RFC3: variants seen among roughly 807,000 people sequenced by gnomAD.
RFC3 encodes replication factor C subunit 3, also known as A1 38 kDa subunit.
In RFC3, 41 loss-of-function variants were observed where a neutral mutation model predicts 45.1. The observed-to-expected ratio is 0.91, with a 90% CI of 0.71 to 1.18. The LOEUF is 1.18. RFC3 is among the 50% of genes most tolerant of loss of function. The probability of loss-of-function intolerance (pLI) is 0.00; values close to 1 mark genes in which losing one functional copy is unlikely to be tolerated. For missense variants in RFC3, 423 were observed against 428.1 expected, an observed-to-expected ratio of 0.99 and a Z score of 0.10; for synonymous variants, 149 against 144.0, an observed-to-expected ratio of 1.03 and a Z score of -0.25.
chr13:33,948,218 C>T (rs746282546), intron 8 of RFC3, among the ~76,000 whole-genome samples: 1 of 152,210 alleles, frequency 6.6e-6, no homozygotes, highest in East Asian at 1.9e-4. Context: ...TGCTTCAGCT[C>T]TAGCTGTGGC....
chr13:33,947,708 A>T (rs931609901), intron 8 of RFC3, among the ~76,000 whole-genome samples: 4 of 152,194 alleles, frequency 2.6e-5, no homozygotes, highest in African/African-American at 9.7e-5. Context: ...GCTGATAGTG[A>T]TATGGACAAT....
At chr13:33,824,805 A>C (rs991870370) in intron 3 of RFC3, among the ~76,000 whole-genome samples, 7 of 152,128 alleles carry the variant, frequency 4.6e-5, no homozygotes, top group African/African-American at 1.7e-4. Flanking sequence ...CCTAACAGAT[A>C]GGTTTTATTA....
chr13:33,829,921 C>T lies in RFC3; in HGVS notation c.477C>T (p.Cys159=), dbSNP rs1408805088. The change falls in exon 5 of 9, where the codon TGC becomes TGT. Residue 159 remains cysteine (C), a synonymous_variant. Transcript: ENST00000380071. The stretch of plus-strand genomic sequence containing the variant: ...CCATGGAAAAATATATGTCTACCTG[C>T]AGATTGATCTTGTGCTGCAATTCTA... The part of the protein sequence containing the change: ...RRTMEKYMST[C]RLILCCNSTS... 2.5e-6 allele frequency: 4 copies of T among 1,613,988 alleles called. No homozygotes were observed. The highest frequency in any genetic ancestry group is 3.4e-6 in the Non-Finnish European group (4 of 1,179,854).
intron 8 of RFC3, among the ~76,000 whole-genome samples, chr13:33,917,968 C>G (rs1240990205): frequency 6.6e-6 from 1 of 152,082 alleles, no homozygotes; most frequent in Non-Finnish European, 1.5e-5. Flanking sequence ...TTATCCACTT[C>G]ATTTTCAGAG....
intron 8 of RFC3, among the ~76,000 whole-genome samples, chr13:33,888,351 G>A (rs1298933093): frequency 2.0e-5 from 3 of 152,312 alleles, no homozygotes; most frequent in Admixed American, 6.5e-5. Flanking sequence ...CTCACATGGT[G>A]CCTCTTCTGG....
At chr13:33,950,680 C>A (rs1034317350) in intron 8 of RFC3, among the ~76,000 whole-genome samples, 1 of 152,152 alleles carries the variant, frequency 6.6e-6, no homozygotes, top group African/African-American at 2.4e-5. Context: ...CTGATAACAT[C>A]TTTTTCTGTC....
At chr13:33,906,708 G>A (rs956100493) in intron 8 of RFC3, among the ~76,000 whole-genome samples, 4 of 151,998 alleles carry the variant, frequency 2.6e-5, no homozygotes, top group Admixed American at 6.6e-5. Context: ...TATTCATTTT[G>A]AAAATTACTT....
Position 33,873,394 on chromosome 13 carries a change from C to T in RFC3, c.879+38177C>T, listed in dbSNP as rs904454491. Among the ~76,000 whole-genome samples the T allele has an allele frequency of 7.2e-5, 11 of 152,194 alleles. 1 individual carries two copies. The East Asian group carries it at 9.6e-4, about 13-fold the overall frequency. On this transcript the variant is annotated intron_variant, in intron 8 of 8. Transcript: ENST00000434425. ...GATAAAGTGGAAGATTAAACTATTT[C>T]AAAGCGCCTGTTTTTCAACTCCAAA... is the stretch of plus-strand genomic sequence containing the variant.
At chr13:33,941,607 A>G (rs1432121350) in intron 8 of RFC3, among the ~76,000 whole-genome samples, 1 of 152,148 alleles carries the variant, frequency 6.6e-6, no homozygotes, top group Non-Finnish European at 1.5e-5. Flanking sequence ...GTTTCTGTCA[A>G]TAAACCAGCC....
At chr13:33,935,682 G>T (rs1399448221) in intron 8 of RFC3, among the ~76,000 whole-genome samples, 2 of 152,034 alleles carry the variant, frequency 1.3e-5, no homozygotes, top group African/African-American at 4.8e-5. Flanking sequence ...ACCTTGTTTG[G>T]TTTGTTTCTG....
chr13:33,892,272 G>T (rs1229179589), intron 8 of RFC3, among the ~76,000 whole-genome samples: 1 of 152,092 alleles, frequency 6.6e-6, no homozygotes, highest in Non-Finnish European at 1.5e-5. Flanking sequence ...GTTGAAGAAA[G>T]GATCCAAGAG....
chr13:33,960,082 T>C (rs544856155), intron 8 of RFC3, among the ~76,000 whole-genome samples: 34 of 152,186 alleles, frequency 2.2e-4, no homozygotes, highest in African/African-American at 8.2e-4. Flanking sequence ...GGAATGGTGC[T>C]AAACCATTCA....
chr13:33,964,753 A>G (rs762484695), intron 8 of RFC3, among the ~76,000 whole-genome samples: 1 of 152,200 alleles, frequency 6.6e-6, no homozygotes, highest in Non-Finnish European at 1.5e-5. Flanking sequence ...ATATAGGTCT[A>G]TGTCCACTTC....
intron 8 of RFC3, among the ~76,000 whole-genome samples, chr13:33,851,103 G>T (rs1465374646): frequency 6.6e-6 from 1 of 152,150 alleles, no homozygotes; most frequent in African/African-American, 2.4e-5. Context: ...TATGGCTTGA[G>T]AGCATAATGC....
At chr13:33,945,661 A>T (rs1370637069) in intron 8 of RFC3, among the ~76,000 whole-genome samples, 14 of 152,228 alleles carry the variant, frequency 9.2e-5, no homozygotes. Context: ...AAGCAGAGAG[A>T]TTGGCAAATG....
chr13:33,952,277 T>C (rs369684718), intron 8 of RFC3, among the ~76,000 whole-genome samples: 19 of 152,344 alleles, frequency 1.2e-4, no homozygotes, highest in African/African-American at 4.6e-4. Context: ...TTCATTTTTA[T>C]TGAAAAATCA....
chr13:33,926,333 A>G (rs1291431918), intron 8 of RFC3, among the ~76,000 whole-genome samples: 4 of 151,932 alleles, frequency 2.6e-5, no homozygotes, highest in African/African-American at 4.8e-5. Flanking sequence ...CATTGTGCAC[A>G]TGTACCCTAA....
At chr13:33,850,816 T>A (rs1179772115) in intron 8 of RFC3, 3 of 152,194 alleles carry the variant, frequency 2.0e-5, no homozygotes, top group Non-Finnish European at 4.4e-5. Context: ...AATAAAGGAT[T>A]TGAAAACTTG....
At chr13:33,924,019 C>T (rs1244203019) in intron 8 of RFC3, among the ~76,000 whole-genome samples, 1 of 152,048 alleles carries the variant, frequency 6.6e-6, no homozygotes, top group Non-Finnish European at 1.5e-5. Context: ...CACCAGGGCT[C>T]AGCGCTTTCT....
Sources: allele counts gnomAD v4.1 joint callset (sites outside exome capture counted in the v4.1 genomes callset), GRCh38; gene constraint gnomAD v4.1.1; transcripts MANE v1.5; gene names NCBI Gene and HGNC (gene_info 2026-07-23, HGNC 2026-07-21).